The following DAPK1 variants were observed in gnomAD, a reference collection of about 807,000 sequenced individuals.
DAPK1 encodes death associated protein kinase 1, also known as death-associated protein kinase 1.
DAPK1 carries 56 observed loss-of-function variants against 144.9 expected under a neutral mutation model. The ratio of observed to expected loss-of-function variants is 0.39; its 90% CI spans 0.31 to 0.48. The LOEUF is 0.48. DAPK1 is among the 20% of genes least tolerant of loss of function. DAPK1 has a pLI of 0.95. For missense variants in DAPK1, 1,454 were observed against 1,875.4 expected (o/e 0.78, Z 4.15); for synonymous variants, 690 against 749.0 (o/e 0.92, Z 1.29).
At chr9:87,602,529 A>G (rs1564017209) in intron 2 of DAPK1, among the ~76,000 whole-genome samples, 1 of 152,228 alleles carries the variant, frequency 6.6e-6, no homozygotes, top group African/African-American at 2.4e-5. Flanking sequence ...AACTTCCAAT[A>G]TAGAACATTT....
chr9:87,555,514 T>A (rs10868628), intron 2 of DAPK1, among the ~76,000 whole-genome samples: 51,176 of 151,768 alleles, frequency 0.34, 8,865 homozygotes, highest in Middle Eastern at 0.51. Flanking sequence ...TTATTTTTTT[T>A]TTTTTTGAGA....
At chr9:87,527,287 C>T (rs1180895434) in intron 2 of DAPK1, among the ~76,000 whole-genome samples, 3 of 152,228 alleles carry the variant, frequency 2.0e-5, no homozygotes, top group Non-Finnish European at 4.4e-5. Flanking sequence ...TTCAGATCTT[C>T]TGCGCTAGGT....
At chr9:87,691,821 T>A (rs1354963143) in intron 21 of DAPK1, among the ~76,000 whole-genome samples, 1 of 152,154 alleles carries the variant, frequency 6.6e-6, no homozygotes, top group Non-Finnish European at 1.5e-5. Flanking sequence ...ATTTCTAGTT[T>A]TACTGCACTG....
At chr9:87,583,635 C>T (rs1340371214) in intron 2 of DAPK1, among the ~76,000 whole-genome samples, 1 of 152,118 alleles carries the variant, frequency 6.6e-6, no homozygotes, top group Non-Finnish European at 1.5e-5. Flanking sequence ...ACTGTCATAA[C>T]CTGCACCCCA....
At chr9:87,557,551 A>G (rs543526102) in intron 2 of DAPK1, among the ~76,000 whole-genome samples, 3 of 152,194 alleles carry the variant, frequency 2.0e-5, no homozygotes, top group Admixed American at 1.3e-4. Context: ...AAGCCATTAG[A>G]TTTTTTTTCT....
chr9:87,605,832 C>G (rs749587980), intron 3 of DAPK1, among the ~76,000 whole-genome samples: 9 of 152,170 alleles, frequency 5.9e-5, no homozygotes, highest in Non-Finnish European at 2.9e-5. Context: ...CAGCTTCCTG[C>G]CTGCTGTGCT....
intron 20 of DAPK1, among the ~76,000 whole-genome samples, chr9:87,683,498 G>C (rs1299423714): frequency 6.6e-6 from 1 of 152,150 alleles, no homozygotes; most frequent in Non-Finnish European, 1.5e-5. Context: ...CTGTGGTTAG[G>C]AGGGTGGGAT....
intron 3 of DAPK1, among the ~76,000 whole-genome samples, chr9:87,616,499 A>G (rs554924332): frequency 1.2e-3 from 190 of 152,324 alleles, no homozygotes; most frequent in Non-Finnish European, 2.5e-3. Flanking sequence ...TGAGCTTCAG[A>G]AAACTCTTGA....
At chr9:87,656,437 A>C (rs1165736347) in intron 17 of DAPK1, among the ~76,000 whole-genome samples, 2 of 152,184 alleles carry the variant, frequency 1.3e-5, no homozygotes, top group African/African-American at 2.4e-5. Context: ...AAAACTGTGC[A>C]TTCTACAACC....
upstream of DAPK1, chr9:87,497,450 T>TA (rs895988671): frequency 1.3e-5 from 2 of 152,264 alleles, no homozygotes; most frequent in African/African-American, 2.4e-5. Flanking sequence ...GGCAGGGATT[T>TA]AAAAAAATCT....
chr9:87,598,899 A>G (rs1828415383), intron 2 of DAPK1, among the ~76,000 whole-genome samples: 1 of 152,200 alleles, frequency 6.6e-6, no homozygotes, highest in South Asian at 2.1e-4. Context: ...TGAATTCACA[A>G]ACATGTTGTA....
chr9:87,604,172 G>T (rs184080749), intron 2 of DAPK1, among the ~76,000 whole-genome samples: 66 of 151,354 alleles, frequency 4.4e-4, no homozygotes, highest in African/African-American at 1.5e-3. Flanking sequence ...GCGGCTTTGA[G>T]GGGGGGGTTC....
At chr9:87,655,934 G>A (rs1358205795) in intron 17 of DAPK1, among the ~76,000 whole-genome samples, 2 of 152,340 alleles carry the variant, frequency 1.3e-5, no homozygotes, top group African/African-American at 4.8e-5. Context: ...TGTGCCCAGC[G>A]CAGAGGGAGG....
At chr9:87,554,064 G>C (rs1826605773) in intron 2 of DAPK1, 1 of 134,060 alleles carries the variant, frequency 7.5e-6, no homozygotes. Context: ...TCAGAAAAAT[G>C]CTCTCAAATA....
chr9:87,523,630 C>T (rs1825381992), intron 2 of DAPK1, among the ~76,000 whole-genome samples: 1 of 152,148 alleles, frequency 6.6e-6, no homozygotes, highest in South Asian at 2.1e-4. Context: ...AATATTCTCT[C>T]ATAATTTCTT....
intron 18 of DAPK1, chr9:87,668,353 C>T (rs1222049775): frequency 2.2e-5 from 11 of 492,044 alleles, no homozygotes; most frequent in East Asian, 1.1e-4. Flanking sequence ...TGAAAGGTGT[C>T]GCTATTGGAC....
Position 87,700,237 on chromosome 9 carries a change from G to C in DAPK1, c.2871G>C (p.Ser957=). 6.2e-7 allele frequency: 1 copy of C among 1,611,382 alleles called. No homozygotes were observed. The highest frequency in any genetic ancestry group is 8.5e-7 in the Non-Finnish European group (1 of 1,177,526). Residue 957 remains serine (S), a splice_region_variant and synonymous_variant, in exon 24 of 26, where the codon TCG becomes TCC. Coordinates refer to ENST00000408954, the MANE Select transcript of DAPK1 (RefSeq NM_004938.4). ...HLQEIRSQIV[S]VCPPMTHLCE... is the part of the protein sequence containing the mutation. Reference sequence around the variant, plus strand: ...AAGAAATACGAAGCCAGATTGTTTCGGTAAGTACACCATGGAAAGAGCCTG... The same window carrying C: ...AAGAAATACGAAGCCAGATTGTTTCCGTAAGTACACCATGGAAAGAGCCTG...
chr9:87,648,966 T>C, intron 15 of DAPK1, 87 bp downstream of exon 15: 2 of 1,172,510 alleles, frequency 1.7e-6, no homozygotes, highest in South Asian at 1.3e-5. Flanking sequence ...CTTTAGAGTT[T>C]TATCCAAGCT....
intron 3 of DAPK1, among the ~76,000 whole-genome samples, chr9:87,619,647 T>C (rs117749896): frequency 0.013 from 2,054 of 152,176 alleles, 24 homozygotes; most frequent in South Asian, 0.024. Context: ...CCTGAGAGGA[T>C]TGAGACGCAG....
Sources: allele counts gnomAD v4.1 joint callset (sites outside exome capture counted in the v4.1 genomes callset), GRCh38; gene constraint gnomAD v4.1.1; transcripts MANE v1.5; gene names NCBI Gene and HGNC (gene_info 2026-07-23, HGNC 2026-07-21).